Variants in CACNB4 observed in about 807,000 individuals in gnomAD.
CACNB4 encodes voltage-dependent L-type calcium channel subunit beta-4.
Under a neutral mutation model 71.2 loss-of-function variants are expected in CACNB4, and 32 were observed. The observed-to-expected ratio is 0.45, with a 90% CI of 0.34 to 0.60. The LOEUF (loss-of-function observed/expected upper bound fraction) is 0.60, where lower values mean the gene tolerates loss of function less well. Ranked by LOEUF, CACNB4 falls within the 20% of genes least tolerant of loss-of-function variation. The pLI is 0.01. For synonymous variants in CACNB4, 231 were observed against 236.9 expected (o/e 0.97, Z 0.23); for missense variants, 464 against 647.9 (o/e 0.72, Z 3.08).
chr2:152,083,230 G>A (rs1687457266), intron 2 of CACNB4, among the ~76,000 whole-genome samples: 1 of 152,152 alleles, frequency 6.6e-6, no homozygotes, highest in Non-Finnish European at 1.5e-5. Context: ...GTATGCATAT[G>A]TGTGTACACA....
At position 151,855,699 on chromosome 2, in the gene CACNB4, TA is replaced by T. The variant is rs2099840107; in HGVS notation, c.869-325del. 2.0e-5 allele frequency among the ~76,000 whole-genome samples: 3 copies of T among 152,220 alleles called. No individual in the cohort carries two copies. In the South Asian group the frequency reaches 6.2e-4, roughly 31 times the overall value. ...GTTTTGTTCTAAAGAACTTTAATGT[TA>T]GCCATAGAAGCTAAAAGCACATTTA... On this transcript the variant is annotated intron_variant, in intron 10 of 13. Transcript: ENST00000539935.
At position 151,837,051 on chromosome 2, in the gene CACNB4, G is replaced by A. The variant is rs1263708268; in HGVS notation, c.*2068C>T. ...ACATGTAATAAATATATTTTTGTTT[G>A]CTGGAAGATGCTCTTCTGTGTTCTA... On this transcript the variant is annotated 3_prime_UTR_variant, in exon 14 of 14. Coordinates refer to ENST00000539935, the MANE Select transcript of CACNB4 (RefSeq NM_000726.5). 1 of 151,888 alleles carries A rather than the reference G, an allele frequency of 6.6e-6. No homozygotes were observed. The highest frequency in any genetic ancestry group is 2.4e-5 in the African/African-American group (1 of 41,398). 9.4% of individuals were successfully genotyped at this position (151,888 alleles called of 1,614,324 possible).
chr2:151,917,085 C>T (rs1368731725), intron 2 of CACNB4, among the ~76,000 whole-genome samples: 4 of 152,134 alleles, frequency 2.6e-5, no homozygotes, highest in African/African-American at 9.7e-5. Flanking sequence ...ATTTACCAAC[C>T]AAACAAATAT....
chr2:152,050,516 T>C (rs1685369308), intron 2 of CACNB4, among the ~76,000 whole-genome samples: 1 of 152,158 alleles, frequency 6.6e-6, no homozygotes, highest in Admixed American at 6.5e-5. Flanking sequence ...TAATGCTCAC[T>C]GCTTTTTTAA....
At chr2:151,956,784 C>T (rs1386770134) in intron 2 of CACNB4, among the ~76,000 whole-genome samples, 1 of 152,142 alleles carries the variant, frequency 6.6e-6, no homozygotes, top group Non-Finnish European at 1.5e-5. Context: ...CTAACACTAC[C>T]ACCAATTATT....
At chr2:151,915,734 C>T (rs2099857312) in intron 2 of CACNB4, among the ~76,000 whole-genome samples, 1 of 151,256 alleles carries the variant, frequency 6.6e-6, no homozygotes, top group Non-Finnish European at 1.5e-5. Flanking sequence ...GTAATCCTAG[C>T]TACTCAGGAA....
intron 2 of CACNB4, among the ~76,000 whole-genome samples, chr2:152,042,606 C>A (rs1386310044): frequency 1.3e-5 from 2 of 152,096 alleles, no homozygotes; most frequent in South Asian, 2.1e-4. Context: ...AGCAGATAAT[C>A]ATTTTAAAAA....
At position 152,002,356 on chromosome 2, in the gene CACNB4, T is replaced by A. The variant is rs898090091; in HGVS notation, c.147+95974A>T. On this transcript the variant is annotated intron_variant, in intron 2 of 13. Coordinates refer to ENST00000539935, the MANE Select transcript of CACNB4 (RefSeq NM_000726.5). ...GATTTTTTTAGGAAGACAATTTTTT[T>A]AATACCAAATCATGTGGAGCTGATA... Among the ~76,000 whole-genome samples, 11 of 152,342 alleles carry A rather than the reference T, an allele frequency of 7.2e-5. No homozygotes were observed. The East Asian group carries it at 2.1e-3, about 29-fold the overall frequency.
intron 2 of CACNB4, among the ~76,000 whole-genome samples, chr2:151,925,624 G>A (rs2099860030): frequency 6.6e-6 from 1 of 150,388 alleles, no homozygotes; most frequent in Non-Finnish European, 1.5e-5. Context: ...GAATTCAAAG[G>A]AGTAGGGTGG....
intron 2 of CACNB4, among the ~76,000 whole-genome samples, chr2:151,975,866 A>G (rs1011538816): frequency 6.6e-6 from 1 of 152,142 alleles, no homozygotes; most frequent in Non-Finnish European, 1.5e-5. Context: ...ATATTCCCCG[A>G]TTGTGTTAAA....
rs1172755793 is a variant in CACNB4 at position 151,835,019 on chromosome 2, GTCCAAGATTA to G, written c.*4090_*4099del. The G allele has an allele frequency of 6.6e-6, 1 of 151,906 alleles. No homozygotes were observed. Among genetic ancestry groups the G allele is most frequent in the Non-Finnish European group, 1.5e-5 (1 of 67,814 alleles). The allele number at this position is 151,906 out of a possible 1,614,324, so 9.4% of individuals were successfully genotyped here. On this transcript the variant is annotated 3_prime_UTR_variant, in exon 14 of 14. Coordinates refer to ENST00000539935, the MANE Select transcript of CACNB4 (RefSeq NM_000726.5). Reference sequence around the variant, plus strand: ...TGAAGTTTATTCCAATTACATGGGAGTCCAAGATTATGCATATCCTTACCCAGTAAATGGC... The same window carrying G: ...TGAAGTTTATTCCAATTACATGGGAGTGCATATCCTTACCCAGTAAATGGC...
intron 2 of CACNB4, among the ~76,000 whole-genome samples, chr2:152,015,767 C>T (rs1369181749): frequency 6.6e-6 from 1 of 152,212 alleles, no homozygotes; most frequent in Non-Finnish European, 1.5e-5. Flanking sequence ...CGGGCAGAAG[C>T]AACAAATGAG....
chr2:151,887,225 C>T (rs2099849589), intron 2 of CACNB4, among the ~76,000 whole-genome samples: 1 of 151,826 alleles, frequency 6.6e-6, no homozygotes, highest in South Asian at 2.1e-4. Flanking sequence ...ATTCATAAAA[C>T]AGGTAGGAGC....
At chr2:151,851,480 G>A (rs1241797401) in intron 12 of CACNB4, 4 of 152,204 alleles carry the variant, frequency 2.6e-5, no homozygotes, top group African/African-American at 9.6e-5. Context: ...TCATGGAGCT[G>A]TTTGAAATCT....
intron 2 of CACNB4, among the ~76,000 whole-genome samples, chr2:151,999,610 C>T (rs144812373): frequency 2.1e-4 from 32 of 152,260 alleles, no homozygotes; most frequent in Admixed American, 1.1e-3. Flanking sequence ...GTGATTCTGA[C>T]GCACAGCCAG....
chr2:151,993,762 A>G (rs1681863483), intron 2 of CACNB4, among the ~76,000 whole-genome samples: 1 of 151,448 alleles, frequency 6.6e-6, no homozygotes, highest in Non-Finnish European at 1.5e-5. Flanking sequence ...ACGGGGTTTC[A>G]CCATGTTGGT....
rs1486426402 is a variant in CACNB4 at position 151,837,826 on chromosome 2, T to C, written c.*1293A>G. On this transcript the variant is annotated 3_prime_UTR_variant, in exon 14 of 14. Coordinates refer to ENST00000539935, the MANE Select transcript of CACNB4 (RefSeq NM_000726.5). ...AATCTCCAAATTCTTTATAATTTTC[T>C]GCATTAAAAATGCTATAATTTTAGT... 4.6e-5 allele frequency: 7 copies of C among 152,294 alleles called. No homozygotes were observed. The East Asian group carries it at 1.3e-3, about 29-fold the overall frequency. The allele number at this position is 152,294 out of a possible 1,614,324, so 9.4% of individuals were successfully genotyped here. A position where few individuals can be genotyped will look rare whatever the true frequency, so the allele number is the denominator to read the frequency against.
At chr2:152,038,625 G>A (rs1684718031) in intron 2 of CACNB4, among the ~76,000 whole-genome samples, 1 of 152,202 alleles carries the variant, frequency 6.6e-6, no homozygotes, top group African/African-American at 2.4e-5. Flanking sequence ...TAACAGCAGA[G>A]GCTGAGACTT....
At chr2:152,023,082 C>G (rs916845903) in intron 2 of CACNB4, among the ~76,000 whole-genome samples, 2 of 150,120 alleles carry the variant, frequency 1.3e-5, no homozygotes, top group Admixed American at 1.3e-4. Context: ...GCATGTCTTA[C>G]ATGGTGACAG....
Sources: gnomAD v4.1 joint callset for allele counts (sites outside exome capture counted in the v4.1 genomes callset) on GRCh38, gnomAD v4.1.1 for gene constraint, MANE v1.5 for transcripts, NCBI Gene and HGNC (gene_info 2026-07-23, HGNC 2026-07-21) for gene names.